LAMA2: variants seen among roughly 807,000 people sequenced by gnomAD.
LAMA2 encodes laminin subunit alpha 2.
Under a neutral mutation model 364.8 loss-of-function variants are expected in LAMA2, and 269 were observed. That is an observed-to-expected ratio of 0.74 (90% CI 0.67 to 0.82). The LOEUF is 0.82. LAMA2 is among the 40% of genes least tolerant of loss of function. The pLI is 0.00. For missense variants in LAMA2, 3,807 were observed against 3,873.2 expected, an observed-to-expected ratio of 0.98 and a Z score of 0.45; for synonymous variants, 1,379 against 1,370.6, an observed-to-expected ratio of 1.01 and a Z score of -0.14.
chr6:129,403,299 A>C (rs1227028447), intron 39 of LAMA2, among the ~76,000 whole-genome samples: 1 of 152,170 alleles, frequency 6.6e-6, no homozygotes, highest in Non-Finnish European at 1.5e-5. Context: ...TTTATAATGA[A>C]GGGTGGGTGG....
chr6:129,163,082 T>A (rs9482991), intron 8 of LAMA2, among the ~76,000 whole-genome samples: 2,929 of 152,274 alleles, frequency 0.019, 112 homozygotes, highest in African/African-American at 0.066. Context: ...TTATTCCACA[T>A]TTAGGAAATT....
At chr6:129,107,721 C>T (rs572279456) in intron 4 of LAMA2, among the ~76,000 whole-genome samples, 1 of 152,156 alleles carries the variant, frequency 6.6e-6, no homozygotes, top group South Asian at 2.1e-4. Context: ...TAATACTTGT[C>T]GCATTTTACA....
intron 15 of LAMA2, among the ~76,000 whole-genome samples, chr6:129,263,224 A>T (rs1787260666): frequency 6.6e-6 from 1 of 152,206 alleles, no homozygotes; most frequent in African/African-American, 2.4e-5. Flanking sequence ...CAGGGAAAAT[A>T]GTGCCATTAA....
chr6:129,314,052 A>T (rs1214010497), intron 23 of LAMA2, among the ~76,000 whole-genome samples: 1 of 152,186 alleles, frequency 6.6e-6, no homozygotes, highest in Admixed American at 6.5e-5. Flanking sequence ...AATTTTCATG[A>T]GTCTTTCATA....
At chr6:129,194,532 A>G (rs1781725314) in intron 12 of LAMA2, among the ~76,000 whole-genome samples, 1 of 152,204 alleles carries the variant, frequency 6.6e-6, no homozygotes, top group Admixed American at 6.5e-5. Context: ...TATAACCCAC[A>G]GTGAAGCTCT....
intron 32 of LAMA2, among the ~76,000 whole-genome samples, chr6:129,360,988 T>A (rs1777426993): frequency 1.3e-5 from 2 of 152,218 alleles, no homozygotes; most frequent in African/African-American, 4.8e-5. Context: ...ATCAACAAAC[T>A]GATTCAATTC....
At chr6:129,469,231 A>G (rs1783691776) in intron 51 of LAMA2, among the ~76,000 whole-genome samples, 1 of 151,902 alleles carries the variant, frequency 6.6e-6, no homozygotes, top group Non-Finnish European at 1.5e-5. Context: ...CAATTTAAGT[A>G]TATTACTCGA....
intron 48 of LAMA2, among the ~76,000 whole-genome samples, chr6:129,457,169 A>T (rs987732575): frequency 6.6e-6 from 1 of 152,142 alleles, no homozygotes; most frequent in Non-Finnish European, 1.5e-5. Flanking sequence ...ATTAGTCAGA[A>T]AATGTGAAAA....
At chr6:129,297,901 C>G (rs1214777859) in intron 21 of LAMA2, 36 bp downstream of exon 21, 2 of 1,571,698 alleles carry the variant, frequency 1.3e-6, no homozygotes, top group East Asian at 2.2e-5. Flanking sequence ...CATATTCACT[C>G]TGATAGTTTT....
At chr6:129,033,305 T>A (rs1296707686) in intron 1 of LAMA2, among the ~76,000 whole-genome samples, 1 of 152,100 alleles carries the variant, frequency 6.6e-6, no homozygotes, top group Non-Finnish European at 1.5e-5. Flanking sequence ...GAAAACATAA[T>A]GTGGAACAGT....
At chr6:128,953,338 C>T (rs9482962) in intron 1 of LAMA2, among the ~76,000 whole-genome samples, 19,439 of 152,124 alleles carry the variant, frequency 0.13, 1,564 homozygotes, top group African/African-American at 0.23. Flanking sequence ...GGCCCTCTAA[C>T]ATTTTCTGCT....
At chr6:129,245,976 G>C (rs113475827) in intron 12 of LAMA2, among the ~76,000 whole-genome samples, 11 of 152,208 alleles carry the variant, frequency 7.2e-5, no homozygotes, top group African/African-American at 2.6e-4. Context: ...GTGCCTCCTT[G>C]ACCAACAGAA....
chr6:129,217,570 T>A (rs1440136432), intron 12 of LAMA2, among the ~76,000 whole-genome samples: 1 of 152,186 alleles, frequency 6.6e-6, no homozygotes, highest in African/African-American at 2.4e-5. Flanking sequence ...AAATCTGTTA[T>A]CATGTTGTCA....
intron 17 of LAMA2, among the ~76,000 whole-genome samples, chr6:129,275,836 TCATATTATTC>T: frequency 6.6e-6 from 1 of 152,054 alleles, no homozygotes; most frequent in Non-Finnish European, 1.5e-5. Flanking sequence ...ATCAAATCAA[TCATATTATTC>T]CATTTTGCAG....
At chr6:129,109,142 G>A (rs1410024243) in intron 4 of LAMA2, among the ~76,000 whole-genome samples, 4 of 152,014 alleles carry the variant, frequency 2.6e-5, no homozygotes, top group Non-Finnish European at 5.9e-5. Context: ...GTATTAAATA[G>A]GCTAGTGATA....
chr6:129,102,907 C>T (rs1329725713), intron 4 of LAMA2, among the ~76,000 whole-genome samples: 1 of 152,196 alleles, frequency 6.6e-6, no homozygotes, highest in Non-Finnish European at 1.5e-5. Flanking sequence ...TTCCAGTATA[C>T]GCTCATTCCC....
chr6:129,420,011 C>T (rs1032398249), intron 40 of LAMA2, among the ~76,000 whole-genome samples: 1 of 151,864 alleles, frequency 6.6e-6, no homozygotes, highest in African/African-American at 2.4e-5. Context: ...ATTATAAAAG[C>T]AGCTTATGTC....
At chr6:129,354,928 T>C (rs1244524598) in intron 32 of LAMA2, among the ~76,000 whole-genome samples, 1 of 152,182 alleles carries the variant, frequency 6.6e-6, no homozygotes, top group Non-Finnish European at 1.5e-5. Context: ...TCCCATGTGA[T>C]ATTAAGAAAA....
At chr6:129,244,228 C>A (rs1372669744) in intron 12 of LAMA2, among the ~76,000 whole-genome samples, 1 of 152,036 alleles carries the variant, frequency 6.6e-6, no homozygotes, top group Middle Eastern at 3.2e-3. Context: ...AATTATCGAG[C>A]TTTTAAAGAA....
Sources: allele counts gnomAD v4.1 joint callset (sites outside exome capture counted in the v4.1 genomes callset), GRCh38; gene constraint gnomAD v4.1.1; transcripts MANE v1.5; gene names NCBI Gene and HGNC (gene_info 2026-07-23, HGNC 2026-07-21).